Variants in NAB2 observed in about 807,000 individuals in gnomAD.
The protein encoded by NAB2 is NGFI-A-binding protein 2.
Under a neutral mutation model 44.2 loss-of-function variants are expected in NAB2, and 9 were observed. That is an observed-to-expected ratio of 0.20 (90% CI 0.12 to 0.36). The LOEUF is 0.36. Among genes scored for constraint, NAB2 ranks in the 10% least tolerant of loss-of-function variants. The probability of loss-of-function intolerance (pLI) is 1.00; values close to 1 mark genes in which losing one functional copy is unlikely to be tolerated. For synonymous variants in NAB2, 342 were observed against 291.0 expected, an observed-to-expected ratio of 1.18 and a Z score of -1.78; for missense variants, 514 against 709.0, an observed-to-expected ratio of 0.73 and a Z score of 3.12.
chr12:57,092,028 C>T, intron 2 of NAB2, 30 bp downstream of exon 2: 8 of 1,572,644 alleles, frequency 5.1e-6, no homozygotes, highest in Non-Finnish European at 6.9e-6. Flanking sequence ...CTAGGATTGC[C>T]CTTGACTTCC....
Position 57,092,558 on chromosome 12 carries a change from C to T in NAB2, c.1068C>T (p.Tyr356=). 1.2e-6 allele frequency: 2 copies of T among 1,614,212 alleles called. No homozygotes were observed. Among genetic ancestry groups the T allele is most frequent in the Non-Finnish European group, 1.7e-6 (2 of 1,180,036 alleles). ...GCCAAGTAGCCCGAGAGAGCACCTACTTGTCCTCCTTGAAGGGCTCCAGGT... is the reference window on the plus strand; with the variant it reads ...GCCAAGTAGCCCGAGAGAGCACCTATTTGTCCTCCTTGAAGGGCTCCAGGT... ...LSRQVAREST[Y]LSSLKGSRLH... The change falls in exon 3 of 7, where the codon TAC becomes TAT. Residue 356 remains tyrosine, a synonymous_variant. Transcript: ENST00000300131.
In NAB2 at chr12:57,091,957, G is replaced by A; in HGVS notation, c.916G>A (p.Asp306Asn). Residue 306 changes from aspartate (D) to asparagine (N), a missense_variant, in exon 2 of 7, where the codon GAC (aspartate) becomes AAC (asparagine). By Grantham distance (23) the Asp-to-Asn change is conservative. Coordinates refer to ENST00000300131, the MANE Select transcript of NAB2 (RefSeq NM_005967.4). This position sits in a 1 kb window ranked among gnomAD's most constrained non-coding sequence, Gnocchi z 7.3. ...RKYSIIYGRF[D>N]SKRREGKQLS... Reference sequence around the variant, plus strand: ...ATACAGCATCATCTATGGCCGTTTCGACTCTAAGCGGCGGGAGGGCAAGCA... The same window carrying A: ...ATACAGCATCATCTATGGCCGTTTCAACTCTAAGCGGCGGGAGGGCAAGCA... 6.2e-7 allele frequency: 1 copy of A among 1,613,318 alleles called. No homozygotes were observed. Among genetic ancestry groups the A allele is most frequent in the Non-Finnish European group, 8.5e-7 (1 of 1,179,402 alleles).
In NAB2 at chr12:57,095,029, T is replaced by C; in HGVS notation, c.*308T>C. On this transcript the variant is annotated 3_prime_UTR_variant, in exon 7 of 7. Coordinates refer to ENST00000300131, the MANE Select transcript of NAB2 (RefSeq NM_005967.4). The stretch of plus-strand genomic sequence containing the variant: ...CAACACACTCCCATTCTCTTTAGGT[T>C]TGCACCAGTGGTGTGAGCAGTTGGA... The C allele has an allele frequency of 2.9e-6, 1 of 350,668 alleles. No individual in the cohort carries two copies. Among genetic ancestry groups the C allele is most frequent in the Non-Finnish European group, 5.3e-6 (1 of 189,704 alleles). 21.7% of individuals were successfully genotyped at this position (350,668 alleles called of 1,614,324 possible).
At chr12:57,089,689 G>A (rs2033135774) in intron 1 of NAB2, among the ~76,000 whole-genome samples, 1 of 150,490 alleles carries the variant, frequency 6.6e-6, no homozygotes, top group Admixed American at 6.7e-5. Context: ...TGCGGAAGGT[G>A]GGGGGACGCT....
chr12:57,094,429 G>T (rs2033291325), intron 6 of NAB2, among the ~76,000 whole-genome samples, 183 bp from the exon 7 acceptor site: 1 of 152,084 alleles, frequency 6.6e-6, no homozygotes, highest in African/African-American at 2.4e-5. Flanking sequence ...CCAGGGAGGG[G>T]AGGGGGCTCA....
chr12:57,091,685 G>A lies in NAB2; in HGVS notation c.644G>A (p.Gly215Glu). Residue 215 changes from glycine to glutamate, a missense_variant, in exon 2 of 7, where the codon GGA becomes GAA. By Grantham distance (98) the Gly-to-Glu change is moderately conservative. Coordinates refer to ENST00000300131, the MANE Select transcript of NAB2 (RefSeq NM_005967.4). This position sits in a 1 kb window ranked among gnomAD's most constrained non-coding sequence, Gnocchi z 7.3. ...SPPFSPPAGG[G>E]VPEGTGAGGL... ...CCCTTCTCCCCCCCTGCAGGGGGAG[G>A]AGTCCCTGAGGGGACTGGGGCTGGG... 1 of 1,612,854 alleles carries A rather than the reference G, an allele frequency of 6.2e-7. No homozygotes were observed. Among genetic ancestry groups the A allele is most frequent in the Non-Finnish European group, 8.5e-7 (1 of 1,179,298 alleles).
Position 57,093,595 on chromosome 12 carries a change from G to T in NAB2, c.1465G>T (p.Ala489Ser). 2 of 1,505,040 alleles carry T rather than the reference G, an allele frequency of 1.3e-6. No individual in the cohort carries two copies. The highest frequency in any genetic ancestry group is 1.8e-6 in the Non-Finnish European group (2 of 1,126,398). The allele number at this position is 1,505,040 out of a possible 1,614,324, so 93.2% of individuals were successfully genotyped here. ...SPCVPAKPPLAEFEEGLLDRC... is the reference protein window; with the variant it reads ...SPCVPAKPPLSEFEEGLLDRC... ...CTGTGTGCCTGCGAAGCCACCTCTC[G>T]CAGGTGAGGCAGCCAGCAGTGCTGT... Residue 489 changes from alanine to serine, a missense_variant, in exon 6 of 7, where the codon GCA (alanine) becomes TCA (serine). Ala to Ser is a moderately conservative substitution (Grantham distance 99). Transcript: ENST00000300131.
intron 3 of NAB2, 68 bp downstream of exon 3, chr12:57,092,649 T>C: frequency 6.3e-7 from 1 of 1,576,518 alleles, no homozygotes; most frequent in Non-Finnish European, 8.6e-7. Context: ...TGTCCTAACC[T>C]TCAGCTCAGG....
intron 2 of NAB2, 152 bp downstream of exon 2, chr12:57,092,150 C>A: frequency 1.5e-6 from 2 of 1,316,310 alleles, no homozygotes; most frequent in Non-Finnish European, 2.0e-6. Flanking sequence ...CCTACCCCAG[C>A]GGCCGCAGTG....
chr12:57,094,977 G>C lies in NAB2; in HGVS notation c.*256G>C. ...AGGGGGCAAGGACTCTGCCTCCAGG[G>C]CATCTGGGGTTTTCCCCTCCCTCAC... On this transcript the variant is annotated 3_prime_UTR_variant, in exon 7 of 7. Transcript: ENST00000300131. 2.0e-6 allele frequency: 1 copy of C among 503,650 alleles called. No homozygotes were observed. Among genetic ancestry groups the C allele is most frequent in the Non-Finnish European group, 3.5e-6 (1 of 283,044 alleles). The allele number at this position is 503,650 out of a possible 1,614,324, so 31.2% of individuals were successfully genotyped here.
intron 2 of NAB2, chr12:57,092,204 C>G: frequency 1.9e-6 from 2 of 1,067,426 alleles, no homozygotes; most frequent in Non-Finnish European, 2.6e-6. Flanking sequence ...CAGGCAGCAC[C>G]GAGCTGTTCA....
Position 57,091,452 on chromosome 12 carries a change from G to T in NAB2, c.411G>T (p.Arg137=). ...LFKISETAGT[R]KGSMSNGHGS... ...AGATCTCTGAGACTGCGGGTACCCGGAAAGGGAGCATGAGCAATGGGCATG... is the reference window on the plus strand; with the variant it reads ...AGATCTCTGAGACTGCGGGTACCCGTAAAGGGAGCATGAGCAATGGGCATG... Residue 137 remains arginine (R), a synonymous_variant, in exon 2 of 7, where the codon CGG becomes CGT. Transcript: ENST00000300131. The surrounding 1 kb of genome is among the most constrained non-coding windows in gnomAD (Gnocchi z 7.3). 6.2e-7 allele frequency: 1 copy of T among 1,614,192 alleles called. No individual in the cohort carries two copies. The highest frequency in any genetic ancestry group is 8.5e-7 in the Non-Finnish European group (1 of 1,180,034).
intron 3 of NAB2, 25 bp downstream of exon 3, chr12:57,092,606 C>A: frequency 6.2e-7 from 1 of 1,612,890 alleles, no homozygotes; most frequent in Non-Finnish European, 8.5e-7. Context: ...CCAGGTCCTT[C>A]CTGGACTGGA....
chr12:57,093,577 C>T lies in NAB2; in HGVS notation c.1447C>T (p.Pro483Ser), dbSNP rs992098461. The change falls in exon 6 of 7, where the codon CCT (proline) becomes TCT (serine). Residue 483 changes from proline (P) to serine (S), a missense_variant. By Grantham distance (74) the Pro-to-Ser change is moderately conservative. Coordinates refer to ENST00000300131, the MANE Select transcript of NAB2 (RefSeq NM_005967.4). Reference sequence around the variant, plus strand: ...CGTGGGCCGCCTCAGCCCCTGTGTGCCTGCGAAGCCACCTCTCGCAGGTGA... The same window carrying T: ...CGTGGGCCGCCTCAGCCCCTGTGTGTCTGCGAAGCCACCTCTCGCAGGTGA... ...DRVGRLSPCV[P>S]AKPPLAEFEE... 7 of 1,521,932 alleles carry T rather than the reference C, an allele frequency of 4.6e-6. No homozygotes were observed. Among genetic ancestry groups the T allele is most frequent in the Non-Finnish European group, 6.2e-6 (7 of 1,134,660 alleles). 94.3% of individuals were successfully genotyped at this position (1,521,932 alleles called of 1,614,324 possible).
intron 2 of NAB2, 166 bp from the exon 3 acceptor site, chr12:57,092,282 C>A: frequency 8.8e-7 from 1 of 1,136,760 alleles, no homozygotes; most frequent in Non-Finnish European, 1.2e-6. Flanking sequence ...GCTGTGGGTG[C>A]TGACCTCTGT....
intron 5 of NAB2, 56 bp downstream of exon 5, chr12:57,093,251 G>A: frequency 6.6e-7 from 1 of 1,518,196 alleles, no homozygotes; most frequent in Non-Finnish European, 8.8e-7. Context: ...GTAGGGGAGG[G>A]GGTTGGGGGA....
chr12:57,094,571 A>C (rs966300698), intron 6 of NAB2, 41 bp from the exon 7 acceptor site: 6 of 1,469,348 alleles, frequency 4.1e-6, no homozygotes, highest in Non-Finnish European at 5.6e-6. Flanking sequence ...GTCTGCAGCC[A>C]GTCACCCTGC....
chr12:57,092,418 C>T lies in NAB2; in HGVS notation c.958-30C>T, dbSNP rs750887616. Reference sequence around the variant, plus strand: ...GTGAGGCAGCGGGGAAGTTCGAATTCTGACTCTCCTGGCTGCCCTCCCTCC... The same window carrying T: ...GTGAGGCAGCGGGGAAGTTCGAATTTTGACTCTCCTGGCTGCCCTCCCTCC... On this transcript the variant is annotated intron_variant, in intron 2 of 6. Coordinates refer to ENST00000300131, the MANE Select transcript of NAB2 (RefSeq NM_005967.4). 10 of 1,610,404 alleles carry T rather than the reference C, an allele frequency of 6.2e-6. No homozygotes were observed. The South Asian group carries it at 9.9e-5, about 16-fold the overall frequency.
At chr12:57,089,377 C>G (rs544645093) in intron 1 of NAB2, 23 bp downstream of exon 1, 2 of 1,286,826 alleles carry the variant, frequency 1.6e-6, no homozygotes, top group Non-Finnish European at 2.0e-6. Flanking sequence ...AGGGAGGCAG[C>G]GGGGAGTGGA....
Sources: gnomAD v4.1 joint callset for allele counts (sites outside exome capture counted in the v4.1 genomes callset) on GRCh38, gnomAD v4.1.1 for gene constraint, Gnocchi (gnomAD v3.1) non-coding constraint, MANE v1.5 for transcripts, NCBI Gene and HGNC (gene_info 2026-07-23, HGNC 2026-07-21) for gene names.